TSPAN11: variants seen among roughly 807,000 people sequenced by gnomAD.
TSPAN11 encodes the protein tetraspanin-11.
In TSPAN11, 29 loss-of-function variants were observed where a neutral mutation model predicts 32.9. The observed-to-expected ratio is 0.88, with a 90% CI of 0.66 to 1.20. The LOEUF (loss-of-function observed/expected upper bound fraction) is 1.20, where lower values mean the gene tolerates loss of function less well. Among genes scored for constraint, TSPAN11 ranks in the 50% most tolerant of loss-of-function variants. The pLI is 0.00. For missense variants in TSPAN11, 283 were observed against 329.1 expected, an observed-to-expected ratio of 0.86 and a Z score of 1.08; for synonymous variants, 140 against 141.3, an observed-to-expected ratio of 0.99 and a Z score of 0.07.
At chr12:30,985,688 C>T (rs910653894) in intron 7 of TSPAN11, among the ~76,000 whole-genome samples, 2 of 152,252 alleles carry the variant, frequency 1.3e-5, no homozygotes, top group Non-Finnish European at 2.9e-5. Flanking sequence ...TTCTTCTTCA[C>T]CTCTCTGGCC....
At chr12:30,991,754 C>A in intron 7 of TSPAN11, 102 bp from the exon 8 acceptor site, 1 of 1,286,982 alleles carries the variant, frequency 7.8e-7, no homozygotes. Context: ...TTGCCCAGGC[C>A]CCAGGGTATT....
At position 30,940,600 on chromosome 12, in the gene TSPAN11, G is replaced by T. The variant is rs149319552; in HGVS notation, c.-11-13381G>T. Among the ~76,000 whole-genome samples the T allele has an allele frequency of 3.9e-5, 6 of 152,262 alleles. No homozygotes were observed. The East Asian group carries it at 1.2e-3, about 29-fold the overall frequency. The stretch of plus-strand genomic sequence containing the variant: ...AGCCAACCTGGGATGTTTTTTAAGT[G>T]AATAGAAGCACTGCTCATAATTATG... On this transcript the variant is annotated intron_variant, in intron 1 of 7. Transcript: ENST00000546076.
chr12:30,984,056 C>T (rs187921698), intron 7 of TSPAN11, among the ~76,000 whole-genome samples: 521 of 152,266 alleles, frequency 3.4e-3, no homozygotes, highest in Middle Eastern at 6.8e-3. Context: ...GTCAAGGGTC[C>T]GAAGGAGGGG....
intron 3 of TSPAN11, among the ~76,000 whole-genome samples, chr12:30,966,810 G>C (rs2140295318): frequency 6.6e-6 from 1 of 152,366 alleles, no homozygotes; most frequent in East Asian, 1.9e-4. Context: ...TAGGGCAAGA[G>C]ACAGGGGTGT....
intron 7 of TSPAN11, among the ~76,000 whole-genome samples, chr12:30,991,578 C>T (rs950558203): frequency 9.2e-5 from 14 of 152,166 alleles, no homozygotes; most frequent in Non-Finnish European, 1.6e-4. Context: ...AAGGAGGTCC[C>T]CAGATGATTC....
chr12:30,955,015 A>C (rs1203278794), intron 2 of TSPAN11: 1 of 152,208 alleles, frequency 6.6e-6, no homozygotes, highest in East Asian at 1.9e-4. Flanking sequence ...CAGAAAGGCA[A>C]ATGCAGAAGT....
intron 1 of TSPAN11, 85 bp downstream of exon 1, chr12:30,926,881 C>T: frequency 1.6e-6 from 2 of 1,217,684 alleles, no homozygotes; most frequent in Non-Finnish European, 2.1e-6. Flanking sequence ...CTCCGCTGCC[C>T]GCCCCGCCGG....
At chr12:31,008,068 G>A in the TSPAN11 span, among the ~76,000 whole-genome samples, 12,956 of 151,240 alleles carry the variant, frequency 0.086, 774 homozygotes, top group South Asian at 0.21. Context: ...GTCTCCCAGG[G>A]TCTGAGTGTT....
intron 7 of TSPAN11, among the ~76,000 whole-genome samples, chr12:30,985,127 A>C (rs1251689683): frequency 6.6e-6 from 1 of 152,038 alleles, no homozygotes; most frequent in Non-Finnish European, 1.5e-5. Flanking sequence ...AGCCTAACAC[A>C]CTGGGAGGAG....
intron 3 of TSPAN11, among the ~76,000 whole-genome samples, chr12:30,972,302 C>T (rs1689691503): frequency 6.6e-6 from 1 of 152,114 alleles, no homozygotes; most frequent in African/African-American, 2.4e-5. Flanking sequence ...GCCAGGAGGG[C>T]AAGCAGGGAT....
rs139961931 is a variant in TSPAN11, at chr12:30,975,155, G to A, written c.277-3406G>A. On this transcript the variant is annotated intron_variant, in intron 3 of 7. Transcript: ENST00000546076. This position sits in a 1 kb window ranked among gnomAD's most constrained non-coding sequence, Gnocchi z 4.5. Reference sequence around the variant, plus strand: ...AGCCAGCGTGTGCCGCAGGGGCCCTGAGATGATCGCGCCGGACCCAGGGAG... The same window carrying A: ...AGCCAGCGTGTGCCGCAGGGGCCCTAAGATGATCGCGCCGGACCCAGGGAG... Among the ~76,000 whole-genome samples the A allele has an allele frequency of 2.3e-3, 356 of 152,336 alleles. No individual in the cohort carries two copies. The highest frequency in any genetic ancestry group is 8.2e-3 in the African/African-American group (339 of 41,574).
chr12:30,974,947 C>T (rs531957268), intron 3 of TSPAN11, among the ~76,000 whole-genome samples: 10 of 152,308 alleles, frequency 6.6e-5, no homozygotes, highest in African/African-American at 2.4e-4. Context: ...GTGGCAGTTG[C>T]TCCTGCCCAA....
At chr12:30,948,079 A>G (rs1938305574) in intron 1 of TSPAN11, among the ~76,000 whole-genome samples, 1 of 152,172 alleles carries the variant, frequency 6.6e-6, no homozygotes, top group Non-Finnish European at 1.5e-5. Flanking sequence ...AAGCTCCAAA[A>G]TGATCTCCTT....
chr12:31,002,766 ACTGCT>A, the TSPAN11 span, among the ~76,000 whole-genome samples: 1 of 152,140 alleles, frequency 6.6e-6, no homozygotes, highest in African/African-American at 2.4e-5. The surrounding 1 kb of genome is among the most constrained non-coding windows in gnomAD (Gnocchi z 4.8). Context: ...ATCCACCTGA[ACTGCT>A]CTTTGGCCAC....
At chr12:31,000,722 C>A (rs1278736623), downstream of TSPAN11, among the ~76,000 whole-genome samples, 1 of 152,166 alleles carries the variant, frequency 6.6e-6, no homozygotes, top group Non-Finnish European at 1.5e-5. Context: ...TCTGGAGGAA[C>A]CTCGATAATG....
chr12:31,010,723 G>C, the TSPAN11 span, among the ~76,000 whole-genome samples: 1 of 152,156 alleles, frequency 6.6e-6, no homozygotes, highest in Non-Finnish European at 1.5e-5. Flanking sequence ...TTAAGCCTGG[G>C]AGGTCAAGGC....
intron 1 of TSPAN11, among the ~76,000 whole-genome samples, chr12:30,940,949 A>G (rs1441394347): frequency 6.6e-6 from 1 of 152,212 alleles, no homozygotes; most frequent in Non-Finnish European, 1.5e-5. Flanking sequence ...CCTTGTGAGA[A>G]TTTAATGCCT....
downstream of TSPAN11, chr12:30,998,978 A>G (rs1305575384): frequency 1.3e-5 from 2 of 152,318 alleles, no homozygotes; most frequent in South Asian, 2.1e-4. Flanking sequence ...GCTCCTCAAC[A>G]TATGATGGGG....
chr12:30,961,419 A>G (rs1288707591), intron 2 of TSPAN11, among the ~76,000 whole-genome samples: 1 of 151,912 alleles, frequency 6.6e-6, no homozygotes, highest in African/African-American at 2.4e-5. Flanking sequence ...CTGTCCCACA[A>G]TCATGTGGTT....
Sources: allele counts gnomAD v4.1 joint callset (sites outside exome capture counted in the v4.1 genomes callset), GRCh38; gene constraint gnomAD v4.1.1; non-coding constraint Gnocchi (gnomAD v3.1); transcripts MANE v1.5; gene names NCBI Gene and HGNC (gene_info 2026-07-23, HGNC 2026-07-21).